Variants in KIF1A observed in about 807,000 individuals in gnomAD.
KIF1A encodes kinesin family member 1A.
In KIF1A, 46 loss-of-function variants were observed where a neutral mutation model predicts 227.3. That is an observed-to-expected ratio of 0.20 (90% CI 0.16 to 0.26). The LOEUF is 0.26. Ranked by LOEUF, KIF1A falls within the 10% of genes least tolerant of loss-of-function variation. KIF1A has a pLI of 1.00. For synonymous variants in KIF1A, 1,022 were observed against 1,012.8 expected (o/e 1.01, Z -0.17); for missense variants, 1,683 against 2,485.9 (o/e 0.68, Z 6.87).
chr2:240,811,289 C>T (rs905248755), intron 1 of KIF1A, among the ~76,000 whole-genome samples: 1 of 152,008 alleles, frequency 6.6e-6, no homozygotes, highest in African/African-American at 2.4e-5. Flanking sequence ...CACTTGAACC[C>T]GGGAAGCAGA....
rs1271836375 is a variant in KIF1A at position 240,757,492 on chromosome 2, G to A, written c.2685C>T (p.Ser895=). The change falls in exon 27 of 49, where the codon TCC becomes TCT. Residue 895 remains serine, a synonymous_variant. Transcript: ENST00000498729. This position sits in a 1 kb window ranked among gnomAD's most constrained non-coding sequence, Gnocchi z 6.2. ...GCTCCTCGGCAGGCTCGGTGGCGTCGGAGTCGGGGCTCGAGAAGGTGGGGG... is the reference window on the plus strand; with the variant it reads ...GCTCCTCGGCAGGCTCGGTGGCGTCAGAGTCGGGGCTCGAGAAGGTGGGGG... ...TPSPTFSSPD[S]DATEPAEEQS... The A allele has an allele frequency of 3.2e-5, 50 of 1,550,350 alleles. No homozygotes were observed. The highest frequency in any genetic ancestry group is 9.6e-5 in the African/African-American group (7 of 73,020).
intron 27 of KIF1A, among the ~76,000 whole-genome samples, chr2:240,751,701 T>A (rs1238961161): frequency 6.6e-6 from 1 of 152,120 alleles, no homozygotes; most frequent in African/African-American, 2.4e-5. Context: ...CCCATGCCCT[T>A]GGTGACACTC....
chr2:240,745,041 C>T lies in KIF1A; in HGVS notation c.3465+386G>A, dbSNP rs180978494. ...CTGGAGTTTTCCAGACCTCTCGGGA[C>T]GTTGCCGGCACCCTGTAGCCCCTGT... is the stretch of plus-strand genomic sequence containing the variant. On this transcript the variant is annotated intron_variant, in intron 32 of 48. Coordinates refer to ENST00000498729, the MANE Select transcript of KIF1A (RefSeq NM_001244008.2). 2.5e-3 allele frequency among the ~76,000 whole-genome samples: 387 copies of T among 152,230 alleles called. 1 individual carries two copies. Among genetic ancestry groups the T allele is most frequent in the African/African-American group, 8.5e-3 (353 of 41,538 alleles).
intron 38 of KIF1A, among the ~76,000 whole-genome samples, chr2:240,731,041 T>C (rs554888342): frequency 5.9e-5 from 9 of 152,194 alleles, no homozygotes; most frequent in Non-Finnish European, 2.9e-5. Flanking sequence ...TGTGGGGAAA[T>C]GTACAGCTGG....
rs1043881925 is a variant in KIF1A at position 240,715,208 on chromosome 2, G to A, written c.*2156C>T. On this transcript the variant is annotated 3_prime_UTR_variant, in exon 49 of 49. Coordinates refer to ENST00000498729, the MANE Select transcript of KIF1A (RefSeq NM_001244008.2). The stretch of plus-strand genomic sequence containing the variant: ...GGAGCAGGTGCTTCTGCAAGAAGCT[G>A]TTCTGCATCCTCTCCTTGCTGCATC... 3 of 152,576 alleles carry A rather than the reference G, an allele frequency of 2.0e-5. No individual in the cohort carries two copies. Among genetic ancestry groups the A allele is most frequent in the Non-Finnish European group, 4.4e-5 (3 of 68,164 alleles). 9.5% of individuals were successfully genotyped at this position (152,576 alleles called of 1,614,324 possible).
chr2:240,727,094 A>G (rs1238516827), intron 38 of KIF1A, among the ~76,000 whole-genome samples, 154 bp from the exon 39 acceptor site: 1 of 152,212 alleles, frequency 6.6e-6, no homozygotes, highest in Non-Finnish European at 1.5e-5. Flanking sequence ...GGTGCCAGGA[A>G]GGACAGGTCC....
At chr2:240,806,731 C>T (rs1308650813) in intron 1 of KIF1A, among the ~76,000 whole-genome samples, 1 of 152,076 alleles carries the variant, frequency 6.6e-6, no homozygotes, top group African/African-American at 2.4e-5. Flanking sequence ...AAATGTGATG[C>T]ATAACTATGA....
intron 1 of KIF1A, among the ~76,000 whole-genome samples, chr2:240,819,734 T>C (rs1191753509): frequency 1.3e-5 from 2 of 151,274 alleles, no homozygotes; most frequent in Non-Finnish European, 2.9e-5. Context: ...GCCCCGCCGG[T>C]GGCTCCTCTC....
rs202002144 is a variant in KIF1A, at chr2:240,758,350, A to G, written c.2582+10T>C. The stretch of plus-strand genomic sequence containing the variant: ...CTCTCTCTCTGCCAAGGAAGGGAGG[A>G]GGCGCCCACCTGCCCACCAGCCGGA... On this transcript the variant is annotated intron_variant, in intron 26 of 48. Coordinates refer to ENST00000498729, the MANE Select transcript of KIF1A (RefSeq NM_001244008.2). The surrounding 1 kb of genome is among the most constrained non-coding windows in gnomAD (Gnocchi z 5.2). 6 of 1,606,582 alleles carry G rather than the reference A, an allele frequency of 3.7e-6. No individual in the cohort carries two copies. The African/African-American group carries it at 8.0e-5, about 21-fold the overall frequency.
Position 240,746,078 on chromosome 2 carries a change from C to G in KIF1A, c.3163G>C (p.Gly1055Arg), listed in dbSNP as rs1418286188. 3.8e-6 allele frequency: 6 copies of G among 1,599,658 alleles called. No homozygotes were observed. Among genetic ancestry groups the G allele is most frequent in the Non-Finnish European group, 5.1e-6 (6 of 1,173,786 alleles). ...TTGTTGACTTCATCGGCTGAGGGCC[C>G]CACGTCTGCACCCTGGCCCTGGCCC... ...VEGQGQGADVGPSADEVNNNT... is the reference protein window; with the variant it reads ...VEGQGQGADVRPSADEVNNNT... Residue 1055 changes from glycine to arginine, a missense_variant, in exon 30 of 49, where the codon GGG becomes CGG. Gly to Arg is a moderately radical substitution (Grantham distance 125). Transcript: ENST00000498729.
At position 240,807,118 on chromosome 2, in the gene KIF1A, G is replaced by GTATA. The variant is rs372835508; in HGVS notation, c.-60-9307_-60-9306insTATA. Among the ~76,000 whole-genome samples, 124 of 135,642 alleles carry GTATA rather than the reference G, an allele frequency of 9.1e-4. 1 individual carries two copies. The highest frequency in any genetic ancestry group is 1.5e-3 in the Admixed American group (21 of 13,704). The allele number at this position is 135,642 out of a possible 152,430, so 89.0% of individuals were successfully genotyped here. A position where few individuals can be genotyped will look rare whatever the true frequency, so the allele number is the denominator to read the frequency against. On this transcript the variant is annotated intron_variant, in intron 1 of 48. Transcript: ENST00000498729. ...TGTGTGTGTGTGTGTGTGTGTGTGT[G>GTATA]TGTGTGTGTGTGTATATATATATAT...
chr2:240,793,167 C>T lies in KIF1A; in HGVS notation c.107-3855G>A, dbSNP rs548414446. Among the ~76,000 whole-genome samples the T allele has an allele frequency of 4.6e-5, 7 of 152,328 alleles. No homozygotes were observed. Among genetic ancestry groups the T allele is most frequent in the African/African-American group, 1.7e-4 (7 of 41,582 alleles). On this transcript the variant is annotated intron_variant, in intron 2 of 48. Transcript: ENST00000498729. This position sits in a 1 kb window ranked among gnomAD's most constrained non-coding sequence, Gnocchi z 4.8. ...GACTGCTCGGGATTGGGGGAGCCCA[C>T]AGCGGAGGCTGGGGGCCTGGGTCGC...
At chr2:240,773,052 G>C (rs923618378) in intron 13 of KIF1A, 62 bp downstream of exon 13, 1 of 1,504,260 alleles carries the variant, frequency 6.6e-7, no homozygotes, top group African/African-American at 1.4e-5. Flanking sequence ...GTGATGACCT[G>C]CGAGGCCCCT....
intron 13 of KIF1A, 133 bp from the exon 14 acceptor site, chr2:240,772,729 T>C (rs1176747047): frequency 1.8e-5 from 13 of 715,516 alleles, no homozygotes; most frequent in Non-Finnish European, 3.1e-5. Flanking sequence ...AGCAGGGTGG[T>C]GAAGGTCTTC....
intron 38 of KIF1A, among the ~76,000 whole-genome samples, chr2:240,733,166 A>C (rs868329074): frequency 1.3e-5 from 2 of 151,982 alleles, no homozygotes; most frequent in Admixed American, 6.6e-5. Flanking sequence ...CACGTGAAAG[A>C]TCAATGAGTG....
In KIF1A at chr2:240,717,204, G is replaced by A. The variant is rs1047424971; in HGVS notation, c.*160C>T. 2.3e-5 allele frequency: 14 copies of A among 614,560 alleles called. No individual in the cohort carries two copies. Among genetic ancestry groups the A allele is most frequent in the East Asian group, 8.3e-5 (3 of 36,160 alleles). The allele number at this position is 614,560 out of a possible 1,614,324, so 38.1% of individuals were successfully genotyped here. A position where few individuals can be genotyped will look rare whatever the true frequency, so the allele number is the denominator to read the frequency against. On this transcript the variant is annotated 3_prime_UTR_variant, in exon 49 of 49. Coordinates refer to ENST00000498729, the MANE Select transcript of KIF1A (RefSeq NM_001244008.2). ...GCCTCTGCTGGGAGCACAGCTGGTC[G>A]TGTGGCACAGGTCCCCGGGCCTGGC...
At chr2:240,737,568 A>T (rs1031327684) in intron 37 of KIF1A, 3 of 53,348 alleles carry the variant, frequency 5.6e-5, no homozygotes, top group African/African-American at 2.3e-4. Context: ...GGAGGGAGGG[A>T]GGGAGGAAGG....
At chr2:240,734,794 CGGGAG>C in intron 38 of KIF1A, 1 of 1,286,136 alleles carries the variant, frequency 7.8e-7, no homozygotes, top group Non-Finnish European at 1.0e-6. Context: ...GGCAGCGCAG[CGGGAG>C]CGGGGTGGGG....
intron 7 of KIF1A, 117 bp from the exon 8 acceptor site, chr2:240,783,933 G>T: frequency 1.3e-6 from 1 of 758,160 alleles, no homozygotes; most frequent in Non-Finnish European, 2.3e-6. Flanking sequence ...CGTCCCCTCT[G>T]CAAGGCGCCG....
Sources: gnomAD v4.1 joint callset for allele counts (sites outside exome capture counted in the v4.1 genomes callset) on GRCh38, gnomAD v4.1.1 for gene constraint, Gnocchi (gnomAD v3.1) non-coding constraint, MANE v1.5 for transcripts, NCBI Gene and HGNC (gene_info 2026-07-23, HGNC 2026-07-21) for gene names.